The following CACNA1G variants were observed in gnomAD, a reference collection of about 807,000 sequenced individuals.
CACNA1G encodes calcium voltage-gated channel subunit alpha1 G.
Under a neutral mutation model 219.4 loss-of-function variants are expected in CACNA1G, and 67 were observed. The observed-to-expected ratio is 0.31, with a 90% CI of 0.25 to 0.37. The LOEUF is 0.37. CACNA1G is among the 10% of genes least tolerant of loss of function. CACNA1G has a pLI of 1.00. For synonymous variants in CACNA1G, 1,296 were observed against 1,345.3 expected, an observed-to-expected ratio of 0.96 and a Z score of 0.80; for missense variants, 2,380 against 3,231.4, an observed-to-expected ratio of 0.74 and a Z score of 6.39.
In CACNA1G at chr17:50,626,213, G is replaced by T; in HGVS notation, c.6596G>T (p.Gly2199Val). The T allele has an allele frequency of 6.2e-7, 1 of 1,613,870 alleles. No homozygotes were observed. The highest frequency in any genetic ancestry group is 1.3e-5 in the African/African-American group (1 of 75,032). Reference sequence around the variant, plus strand: ...ATGACCCCGCCAGCCCCTTGCCCAGGCCCAGAACCCAACTGGGGCAAGGGC... The same window carrying T: ...ATGACCCCGCCAGCCCCTTGCCCAGTCCCAGAACCCAACTGGGGCAAGGGC... The part of the protein sequence containing the change: ...KHMTPPAPCP[G>V]PEPNWGKGPP... The change falls in exon 38 of 38, where the codon GGC becomes GTC. Residue 2199 changes from glycine (G) to valine (V), a missense_variant. Around this residue, in one of 17 missense-constraint regions of CACNA1G, gnomAD observed 672 missense variants for 670.5 expected, o/e 1.00. Coordinates refer to ENST00000359106, the MANE Select transcript of CACNA1G (RefSeq NM_018896.5). The surrounding 1 kb of genome is among the most constrained non-coding windows in gnomAD (Gnocchi z 4.3).
Position 50,618,586 on chromosome 17 carries a change from A to T in CACNA1G, c.5428-69A>T. ...CCTCCAATGCTCTGTGACACCAGTG[A>T]CCTGATTTTCCACAACAGCTCCAAC... On this transcript the variant is annotated intron_variant, in intron 32 of 37. Transcript: ENST00000359106. The surrounding 1 kb of genome is among the most constrained non-coding windows in gnomAD (Gnocchi z 5.3). The T allele has an allele frequency of 1.6e-6, 2 of 1,249,856 alleles. No homozygotes were observed. The highest frequency in any genetic ancestry group is 2.3e-6 in the Non-Finnish European group (2 of 874,666). The allele number at this position is 1,249,856 out of a possible 1,614,324, so 77.4% of individuals were successfully genotyped here.
intron 9 of CACNA1G, 68 bp from the exon 10 acceptor site, chr17:50,590,403 T>G: frequency 1.9e-6 from 3 of 1,541,116 alleles, no homozygotes; most frequent in Non-Finnish European, 2.7e-6. Flanking sequence ...TGGTGTCCCA[T>G]GTTTGGAGGA....
intron 7 of CACNA1G, among the ~76,000 whole-genome samples, chr17:50,575,067 A>C (rs1294885199): frequency 6.6e-6 from 1 of 152,160 alleles, no homozygotes; most frequent in Non-Finnish European, 1.5e-5. Flanking sequence ...GAGTCTTGTA[A>C]ATGATGTTTT....
rs1233560024 is a variant in CACNA1G, at chr17:50,617,926, C to T, written c.5223C>T (p.Pro1741=). Residue 1741 remains proline (P), a synonymous_variant, in exon 30 of 38, where the codon CCC becomes CCT. Coordinates refer to ENST00000359106, the MANE Select transcript of CACNA1G (RefSeq NM_018896.5). This position sits in a 1 kb window ranked among gnomAD's most constrained non-coding sequence, Gnocchi z 5.8. The part of the protein sequence containing the change: ...ALLDTVMQAL[P]QVGNLGLLFM... ...TGGACACGGTGATGCAGGCCCTGCCCCAGGTAGCCGGGAGGTGGGGGGCCT... is the reference window on the plus strand; with the variant it reads ...TGGACACGGTGATGCAGGCCCTGCCTCAGGTAGCCGGGAGGTGGGGGGCCT... The T allele has an allele frequency of 6.2e-7, 1 of 1,613,740 alleles. No individual in the cohort carries two copies. The highest frequency in any genetic ancestry group is 8.5e-7 in the Non-Finnish European group (1 of 1,179,844).
In CACNA1G at chr17:50,561,086, C is replaced by T. The variant is rs1430768767; in HGVS notation, c.-374C>T. 6.8e-6 allele frequency: 3 copies of T among 444,164 alleles called. No homozygotes were observed. The highest frequency in any genetic ancestry group is 4.3e-5 in the African/African-American group (2 of 46,904). 27.5% of individuals were successfully genotyped at this position (444,164 alleles called of 1,614,324 possible). ...CGGACCCCCGCCCTCCGCCGCTGCC[C>T]CCCTTTTCGTTCGCCCTCTCGGGGC... On this transcript the variant is annotated 5_prime_UTR_variant, in exon 1 of 38. Coordinates refer to ENST00000359106, the MANE Select transcript of CACNA1G (RefSeq NM_018896.5).
At position 50,571,764 on chromosome 17, in the gene CACNA1G, G is replaced by A; in HGVS notation, c.587-114G>A. On this transcript the variant is annotated intron_variant, in intron 4 of 37. Transcript: ENST00000359106. This position sits in a 1 kb window ranked among gnomAD's most constrained non-coding sequence, Gnocchi z 4.3. ...TTGGTCTCCCCTCCAGCTTGAGCCGGGCCGTCTCAGCCTCAGAGTCCCTGG... is the reference window on the plus strand; with the variant it reads ...TTGGTCTCCCCTCCAGCTTGAGCCGAGCCGTCTCAGCCTCAGAGTCCCTGG... 1 of 1,030,298 alleles carries A rather than the reference G, an allele frequency of 9.7e-7. No individual in the cohort carries two copies. The highest frequency in any genetic ancestry group is 1.5e-6 in the Non-Finnish European group (1 of 688,866). The allele number at this position is 1,030,298 out of a possible 1,614,324, so 63.8% of individuals were successfully genotyped here.
intron 37 of CACNA1G, among the ~76,000 whole-genome samples, chr17:50,625,584 G>T (rs989572071): frequency 6.6e-6 from 1 of 152,202 alleles, no homozygotes; most frequent in Non-Finnish European, 1.5e-5. Flanking sequence ...GTCACACACT[G>T]TGTCACAGAG....
chr17:50,583,245 T>C (rs1482959694), intron 9 of CACNA1G, among the ~76,000 whole-genome samples: 1 of 152,108 alleles, frequency 6.6e-6, no homozygotes, highest in Non-Finnish European at 1.5e-5. Flanking sequence ...CTTTGGGGGA[T>C]GATCCTTTGC....
rs768241607 is a variant in CACNA1G, at chr17:50,596,843, G to C, written c.3178G>C (p.Glu1060Gln). ...LPKSTSTGLGEALGPASRRTS... is the reference protein window; with the variant it reads ...LPKSTSTGLGQALGPASRRTS... ...CAAGAGCACCAGCACGGGCCTGGGC[G>C]AGGCGCTGGGCCCTGCGTCGCGCCG... Residue 1060 changes from glutamate (E) to glutamine (Q), a missense_variant, in exon 16 of 38, where the codon GAG becomes CAG. Physicochemically the swap from Glu to Gln is conservative, Grantham distance 29. Transcript: ENST00000359106. This position sits in a 1 kb window ranked among gnomAD's most constrained non-coding sequence, Gnocchi z 4.8. 1 of 1,605,004 alleles carries C rather than the reference G, an allele frequency of 6.2e-7. No individual in the cohort carries two copies. Among genetic ancestry groups the C allele is most frequent in the Non-Finnish European group, 8.5e-7 (1 of 1,176,986 alleles).
chr17:50,584,517 C>T (rs2042614283), intron 9 of CACNA1G, among the ~76,000 whole-genome samples: 1 of 148,612 alleles, frequency 6.7e-6, no homozygotes, highest in Non-Finnish European at 1.5e-5. Context: ...CAGAAGCTTT[C>T]TGCTTTTAGG....
At chr17:50,605,012 T>C (rs2047652927) in intron 22 of CACNA1G, among the ~76,000 whole-genome samples, 1 of 151,484 alleles carries the variant, frequency 6.6e-6, no homozygotes, top group Admixed American at 6.6e-5. Flanking sequence ...GGCTGTTCCC[T>C]GACTTCCTAG....
Position 50,585,973 on chromosome 17 carries a change from T to C in CACNA1G, c.2302-4498T>C, listed in dbSNP as rs186566787. ...GGAAGCTGGGGCGATGGCAGCTGGCTGGGGTCGGGCTTGGGCAGAGCACGA... is the reference window on the plus strand; with the variant it reads ...GGAAGCTGGGGCGATGGCAGCTGGCCGGGGTCGGGCTTGGGCAGAGCACGA... On this transcript the variant is annotated intron_variant, in intron 9 of 37. Transcript: ENST00000359106. Among the ~76,000 whole-genome samples, 277 of 152,226 alleles carry C rather than the reference T, an allele frequency of 1.8e-3. 1 individual carries two copies. The highest frequency in any genetic ancestry group is 2.2e-3 in the Non-Finnish European group (151 of 68,002).
At chr17:50,579,564 A>C (rs2041475927) in intron 9 of CACNA1G, among the ~76,000 whole-genome samples, 1 of 151,970 alleles carries the variant, frequency 6.6e-6, no homozygotes. Flanking sequence ...CCTGTGGCTG[A>C]TTCTTGGAAA....
intron 27 of CACNA1G, among the ~76,000 whole-genome samples, chr17:50,615,932 T>C (rs1034692672): frequency 6.6e-6 from 1 of 152,234 alleles, no homozygotes; most frequent in Non-Finnish European, 1.5e-5. Flanking sequence ...CTTCCAGCCG[T>C]CGGTTTCCCT....
rs72837513 is a variant in CACNA1G at position 50,627,158 on chromosome 17, G to A, written c.*407G>A. On this transcript the variant is annotated 3_prime_UTR_variant, in exon 38 of 38. Coordinates refer to ENST00000359106, the MANE Select transcript of CACNA1G (RefSeq NM_018896.5). ...CTCAGAATATTTTTGAGGCGAAGGCGTCTGTCTCTTGGCTATTTTAACCTA... is the reference window on the plus strand; with the variant it reads ...CTCAGAATATTTTTGAGGCGAAGGCATCTGTCTCTTGGCTATTTTAACCTA... 17 of 457,682 alleles carry A rather than the reference G, an allele frequency of 3.7e-5. No individual in the cohort carries two copies. Among genetic ancestry groups the A allele is most frequent in the East Asian group, 1.4e-4 (2 of 14,556 alleles). The allele number at this position is 457,682 out of a possible 1,614,324, so 28.4% of individuals were successfully genotyped here.
chr17:50,627,362 A>G lies in CACNA1G; in HGVS notation c.*611A>G, dbSNP rs2053971061. 2 of 398,340 alleles carry G rather than the reference A, an allele frequency of 5.0e-6. No individual in the cohort carries two copies. Among genetic ancestry groups the G allele is most frequent in the Non-Finnish European group, 9.7e-6 (2 of 205,772 alleles). 24.7% of individuals were successfully genotyped at this position (398,340 alleles called of 1,614,324 possible). Reference sequence around the variant, plus strand: ...TTTTCTGTAGGGAAAAAAAAAAGAAAAAGAAAAAATGAGATTTTACAAGTG... The same window carrying G: ...TTTTCTGTAGGGAAAAAAAAAAGAAGAAGAAAAAATGAGATTTTACAAGTG... On this transcript the variant is annotated 3_prime_UTR_variant, in exon 38 of 38. Transcript: ENST00000359106.
rs538173891 is a variant in CACNA1G, at chr17:50,567,115, G to T, written c.243-1755G>T. ...CCCCCTTTTTCCAGGGTGACCCCTG[G>T]CTGACCCCCATTCTGGGGAGAGATC... is the stretch of plus-strand genomic sequence containing the variant. On this transcript the variant is annotated intron_variant, in intron 1 of 37. Coordinates refer to ENST00000359106, the MANE Select transcript of CACNA1G (RefSeq NM_018896.5). 7.9e-5 allele frequency among the ~76,000 whole-genome samples: 12 copies of T among 152,338 alleles called. No individual in the cohort carries two copies. The South Asian group carries it at 2.5e-3, about 32-fold the overall frequency.
rs746481440 is a variant in CACNA1G at position 50,617,902 on chromosome 17, G to A, written c.5199G>A (p.Leu1733=). The change falls in exon 30 of 38, where the codon CTG becomes CTA. Residue 1733 remains leucine, a synonymous_variant. Coordinates refer to ENST00000359106, the MANE Select transcript of CACNA1G (RefSeq NM_018896.5). The surrounding 1 kb of genome is among the most constrained non-coding windows in gnomAD (Gnocchi z 5.8). The part of the protein sequence containing the change: ...LKMAVGMRAL[L]DTVMQALPQV... ...TGGCTGTGGGCATGCGGGCGCTGCT[G>A]GACACGGTGATGCAGGCCCTGCCCC... 6.2e-7 allele frequency: 1 copy of A among 1,613,780 alleles called. No individual in the cohort carries two copies.
Position 50,578,384 on chromosome 17 carries a change from C to A in CACNA1G, c.2121C>A (p.Asp707Glu). 6.2e-7 allele frequency: 1 copy of A among 1,613,148 alleles called. No homozygotes were observed. Among genetic ancestry groups the A allele is most frequent in the Non-Finnish European group, 8.5e-7 (1 of 1,179,810 alleles). The change falls in exon 9 of 38, where the codon GAC becomes GAA. Residue 707 changes from aspartate (D) to glutamate (E), a missense_variant. Asp to Glu is a conservative substitution (Grantham distance 45). Coordinates refer to ENST00000359106, the MANE Select transcript of CACNA1G (RefSeq NM_018896.5). The surrounding 1 kb of genome is among the most constrained non-coding windows in gnomAD (Gnocchi z 4.5). ...ATGCCCAGCACAGCGACCTCCGGGACCCCCACAGCCGGCGGCAACGGAGCC... is the reference window on the plus strand; with the variant it reads ...ATGCCCAGCACAGCGACCTCCGGGAACCCCACAGCCGGCGGCAACGGAGCC... The part of the protein sequence containing the change: ...TQDAQHSDLR[D>E]PHSRRQRSLG...
Sources: allele counts gnomAD v4.1 joint callset (sites outside exome capture counted in the v4.1 genomes callset), GRCh38; gene constraint gnomAD v4.1.1; regional missense constraint gnomAD v4.1.1; non-coding constraint Gnocchi (gnomAD v3.1); transcripts MANE v1.5; gene names NCBI Gene and HGNC (gene_info 2026-07-23, HGNC 2026-07-21).